Variants in UBR4 observed in about 807,000 individuals in gnomAD.
The protein encoded by UBR4 is ubiquitin protein ligase E3 component n-recognin 4.
Under a neutral mutation model 575.6 loss-of-function variants are expected in UBR4, and 124 were observed. The observed-to-expected ratio is 0.22, with a 90% confidence interval of 0.19 to 0.25. UBR4 has a LOEUF of 0.25. UBR4 is among the 10% of genes least tolerant of loss of function. UBR4 has a pLI of 1.00. For missense variants in UBR4, 4,818 were observed against 6,478.8 expected (o/e 0.74, Z 8.80); for synonymous variants, 2,455 against 2,473.7 (o/e 0.99, Z 0.22).
intron 6 of UBR4, 59 bp downstream of exon 6, chr1:19,197,888 A>T: frequency 6.2e-7 from 1 of 1,612,248 alleles, no homozygotes; most frequent in Non-Finnish European, 8.5e-7. Context: ...ACAGAAGCAC[A>T]CTTAAGGAAT....
In UBR4 at chr1:19,143,991, T is replaced by C. The variant is rs1557766377; in HGVS notation, c.8168A>G (p.Asn2723Ser). Residue 2723 changes from asparagine to serine, a missense_variant, in exon 55 of 106, where the codon AAC (asparagine) becomes AGC (serine). Physicochemically the swap from Asn to Ser is conservative, Grantham distance 46 (BLOSUM62 1). Around this residue, in one of 29 missense-constraint regions of UBR4, gnomAD observed 129 missense variants for 198.4 expected, o/e 0.65. Transcript: ENST00000375254. ...AGACCTCATATTACCCATTGGAGTG[T>C]TGCTTCGAGGGGAAGAGGGTAAAGT... is the stretch of plus-strand genomic sequence containing the variant. ...HVTLPSSPRS[N>S]TPMGDKDDDD... 14 of 1,613,740 alleles carry C rather than the reference T, an allele frequency of 8.7e-6. No homozygotes were observed. Among genetic ancestry groups the C allele is most frequent in the Non-Finnish European group, 1.2e-5 (14 of 1,179,712 alleles).
In UBR4 at chr1:19,174,455, CAAGA is replaced by C. The variant is rs773623575; in HGVS notation, c.2854-12_2854-9del. ...GAAAAGGACGTCACATGCCTGACAT[CAAGA>C]AAGAAAGAGAGTCATTTCCTTACTT... On this transcript the variant is annotated splice_polypyrimidine_tract_variant and intron_variant, in intron 21 of 105. Transcript: ENST00000375254. 5 of 1,606,312 alleles carry C rather than the reference CAAGA, an allele frequency of 3.1e-6. No individual in the cohort carries two copies. Among genetic ancestry groups the C allele is most frequent in the Non-Finnish European group, 4.2e-6 (5 of 1,179,702 alleles).
chr1:19,159,240 T>C (rs937429230), intron 39 of UBR4, among the ~76,000 whole-genome samples: 1 of 152,198 alleles, frequency 6.6e-6, no homozygotes. Flanking sequence ...TTACTTTCTA[T>C]TACTTAACTC....
rs11579961 is a variant in UBR4 at position 19,082,265 on chromosome 1, C to T, written c.15009-692G>A. The T allele has an allele frequency of 4.9e-3, 783 of 161,270 alleles. 10 individuals are homozygous for T. The highest frequency in any genetic ancestry group is 0.018 in the African/African-American group (757 of 41,692). The allele number at this position is 161,270 out of a possible 1,614,324, so 10.0% of individuals were successfully genotyped here. A position where few individuals can be genotyped will look rare whatever the true frequency, so the allele number is the denominator to read the frequency against. ...GCCAGGCACTGCTCTAAGTGCTTTA[C>T]GGGATTATTTCACTTAGTACTCACA... On this transcript the variant is annotated intron_variant, in intron 102 of 105. Transcript: ENST00000375254.
chr1:19,153,490 C>T lies in UBR4; in HGVS notation c.6643G>A (p.Val2215Ile). Residue 2215 changes from valine to isoleucine, a missense_variant, in exon 46 of 106, where the codon GTT becomes ATT. Transcript: ENST00000375254. This position sits in a 1 kb window ranked among gnomAD's most constrained non-coding sequence, Gnocchi z 4.1. ...LPAKAKIQDM[V>I]AIRHTACNEQ... ...TTGCAGGCCGTGTGCCTAATAGCAA[C>T]CATGTCTTGGATCTAGGAGGAGAGG... 6.2e-7 allele frequency: 1 copy of T among 1,614,030 alleles called. No homozygotes were observed. The highest frequency in any genetic ancestry group is 8.5e-7 in the Non-Finnish European group (1 of 1,180,000).
intron 102 of UBR4, chr1:19,081,850 T>C (rs995303495): frequency 6.1e-6 from 4 of 656,122 alleles, no homozygotes; most frequent in Non-Finnish European, 8.5e-6. Flanking sequence ...AAGCAACTAC[T>C]GGTTCCTGAG....
chr1:19,198,600 G>A lies in UBR4; in HGVS notation c.589C>T (p.Leu197=). The A allele has an allele frequency of 1.2e-6, 2 of 1,614,154 alleles. No individual in the cohort carries two copies. The highest frequency in any genetic ancestry group is 2.7e-5 in the African/African-American group (2 of 75,034). The stretch of plus-strand genomic sequence containing the variant: ...GTTCTAGGGTTAAAAACTGAGGTCA[G>A]CTGGTTCAAAAAATTCATCTGTACC... ...KEVQMNFLNQ[L]TSVFNPRTVA... The change falls in exon 5 of 106, where the codon CTG becomes TTG. Residue 197 remains leucine (L), a synonymous_variant. Transcript: ENST00000375254.
intron 50 of UBR4, among the ~76,000 whole-genome samples, 196 bp from the exon 51 acceptor site, chr1:19,148,323 T>C (rs2085155242): frequency 6.6e-6 from 1 of 152,020 alleles, no homozygotes; most frequent in Non-Finnish European, 1.5e-5. Flanking sequence ...GAATCCAAGC[T>C]CATGATTCCC....
Position 19,106,944 on chromosome 1 carries a change from G to T in UBR4, c.12128C>A (p.Thr4043Asn), listed in dbSNP as rs753862720. ...KNKDVPVEAL[T>N]TVKPYCNEIH... ...CTCATTGCAGTATGGCTTCACCGTG[G>T]TGAGGGCCTCAACGGGGACATCCTG... The change falls in exon 82 of 106, where the codon ACC becomes AAC. Residue 4043 changes from threonine (T) to asparagine (N), a missense_variant. Around this residue, in one of 29 missense-constraint regions of UBR4, gnomAD observed 333 missense variants for 459.2 expected, o/e 0.73. Coordinates refer to ENST00000375254, the MANE Select transcript of UBR4 (RefSeq NM_020765.3). 4.9e-5 allele frequency: 79 copies of T among 1,612,398 alleles called. No homozygotes were observed. Among genetic ancestry groups the T allele is most frequent in the Non-Finnish European group, 6.5e-5 (77 of 1,179,966 alleles).
intron 102 of UBR4, among the ~76,000 whole-genome samples, chr1:19,083,198 C>G (rs1258596666): frequency 6.6e-6 from 1 of 152,116 alleles, no homozygotes; most frequent in African/African-American, 2.4e-5. Context: ...ATCAGTGCTG[C>G]CAGGTGCTGC....
chr1:19,077,360 AAG>A (rs1039589427), intron 104 of UBR4, among the ~76,000 whole-genome samples: 3 of 152,224 alleles, frequency 2.0e-5, no homozygotes, highest in African/African-American at 4.8e-5. Context: ...AAGAGCAGCA[AAG>A]AGAGACCCGG....
In UBR4 at chr1:19,152,498, C is replaced by T. The variant is rs769389828; in HGVS notation, c.6833-22G>A. On this transcript the variant is annotated intron_variant, in intron 46 of 105. Coordinates refer to ENST00000375254, the MANE Select transcript of UBR4 (RefSeq NM_020765.3). The surrounding 1 kb of genome is among the most constrained non-coding windows in gnomAD (Gnocchi z 4.4). ...GTTGCTGCAGAGAACGGTACCAGAT[C>T]GTCAAGAGTCTCTCCCACCTCTGCC... The T allele has an allele frequency of 1.2e-5, 20 of 1,612,660 alleles. No individual in the cohort carries two copies. The African/African-American group carries it at 1.6e-4, about 13-fold the overall frequency.
chr1:19,193,014 C>G (rs1453242895), intron 9 of UBR4, among the ~76,000 whole-genome samples: 1 of 152,168 alleles, frequency 6.6e-6, no homozygotes, highest in Non-Finnish European at 1.5e-5. Context: ...AACTCCTAAC[C>G]TCAGGTGATC....
chr1:19,182,853 A>G (rs1269132677), intron 17 of UBR4, among the ~76,000 whole-genome samples: 3 of 152,254 alleles, frequency 2.0e-5, no homozygotes, highest in Non-Finnish European at 1.5e-5. Context: ...CATTTGCTAT[A>G]AAACTACAAG....
Position 19,093,304 on chromosome 1 carries a change from G to A in UBR4, c.14111+9C>T, listed in dbSNP as rs2077714249. ...GGCAAAGCAGCCCCGCTGCGGGAGG[G>A]CTTCATACTTCTTGGCGCTAGGGAT... On this transcript the variant is annotated intron_variant, in intron 96 of 105. Transcript: ENST00000375254. The surrounding 1 kb of genome is among the most constrained non-coding windows in gnomAD (Gnocchi z 4.8). 6.2e-7 allele frequency: 1 copy of A among 1,612,422 alleles called. No homozygotes were observed. The highest frequency in any genetic ancestry group is 8.5e-7 in the Non-Finnish European group (1 of 1,179,554).
chr1:19,139,464 A>C lies in UBR4; in HGVS notation c.8594-244T>G, dbSNP rs188151344. ...CAGTACTTAGACAGGAGTGAAGAAA[A>C]CCCAGTTCACTGGGTATTTCCTTCA... On this transcript the variant is annotated intron_variant, in intron 58 of 105. Coordinates refer to ENST00000375254, the MANE Select transcript of UBR4 (RefSeq NM_020765.3). This position sits in a 1 kb window ranked among gnomAD's most constrained non-coding sequence, Gnocchi z 4.2. Among the ~76,000 whole-genome samples the C allele has an allele frequency of 6.6e-6, 1 of 152,200 alleles. No homozygotes were observed. The highest frequency in any genetic ancestry group is 1.5e-5 in the Non-Finnish European group (1 of 68,010).
chr1:19,097,363 C>G, intron 90 of UBR4, 83 bp from the exon 91 acceptor site: 3 of 1,216,476 alleles, frequency 2.5e-6, no homozygotes, highest in Non-Finnish European at 2.3e-6. Context: ...TTGCTTAAAG[C>G]CCCAGCAATG....
At chr1:19,182,588 CAATG>C (rs2091095759) in intron 17 of UBR4, among the ~76,000 whole-genome samples, 1 of 152,154 alleles carries the variant, frequency 6.6e-6, no homozygotes, top group Non-Finnish European at 1.5e-5. Context: ...TTCCCACCAG[CAATG>C]CATCAAGAAT....
At chr1:19,104,850 T>C in intron 85 of UBR4, 184 bp from the exon 86 acceptor site, 1 of 1,113,554 alleles carries the variant, frequency 9.0e-7, no homozygotes, top group Non-Finnish European at 1.3e-6. Context: ...GCTTAAAAAC[T>C]GTAAACAGTC....
Sources: allele counts gnomAD v4.1 joint callset (sites outside exome capture counted in the v4.1 genomes callset), GRCh38; gene constraint gnomAD v4.1.1; regional missense constraint gnomAD v4.1.1; non-coding constraint Gnocchi (gnomAD v3.1); transcripts MANE v1.5; gene names NCBI Gene and HGNC (gene_info 2026-07-23, HGNC 2026-07-21).